The following HDAC9 variants were observed in gnomAD, a reference collection of about 807,000 sequenced individuals.
HDAC9 encodes the protein histone deacetylase 9.
Under a neutral mutation model 139.4 loss-of-function variants are expected in HDAC9, and 41 were observed. That is an observed-to-expected ratio of 0.29 (90% CI 0.23 to 0.38). HDAC9 has a LOEUF of 0.38. Among genes scored for constraint, HDAC9 ranks in the 10% least tolerant of loss-of-function variants. The probability of loss-of-function intolerance (pLI) is 1.00; values close to 1 mark genes in which losing one functional copy is unlikely to be tolerated. For missense variants in HDAC9, 1,147 were observed against 1,297.0 expected, an observed-to-expected ratio of 0.88 and a Z score of 1.78; for synonymous variants, 517 against 476.2, an observed-to-expected ratio of 1.09 and a Z score of -1.12.
At chr7:18,308,083 G>A (rs1799050039) in intron 1 of HDAC9, among the ~76,000 whole-genome samples, 1 of 152,090 alleles carries the variant, frequency 6.6e-6, no homozygotes, top group Non-Finnish European at 1.5e-5. Flanking sequence ...AAAAATACAT[G>A]TTTTCAAACT....
chr7:18,680,551 A>G (rs574798993), intron 12 of HDAC9, among the ~76,000 whole-genome samples: 1 of 152,112 alleles, frequency 6.6e-6, no homozygotes, highest in South Asian at 2.1e-4. Context: ...AACATTTGGC[A>G]TTCAAGTTCA....
intron 13 of HDAC9, among the ~76,000 whole-genome samples, chr7:18,731,434 T>A (rs1786035175): frequency 6.6e-6 from 1 of 152,098 alleles, no homozygotes; most frequent in Non-Finnish European, 1.5e-5. Flanking sequence ...TCAATGCACA[T>A]CATTTAAACC....
chr7:18,756,159 G>A (rs896784234), intron 14 of HDAC9, among the ~76,000 whole-genome samples: 1 of 152,184 alleles, frequency 6.6e-6, no homozygotes, highest in East Asian at 1.9e-4. Context: ...TGATTCCAAG[G>A]TGCAGCCAAT....
chr7:18,990,074 C>T (rs892427690), intron 25 of HDAC9, among the ~76,000 whole-genome samples: 6 of 152,188 alleles, frequency 3.9e-5, no homozygotes, highest in Non-Finnish European at 5.9e-5. Flanking sequence ...ATTCTCCGTC[C>T]AGCTTTGTTC....
chr7:18,390,522 A>G (rs116314955), intron 1 of HDAC9, among the ~76,000 whole-genome samples: 1 of 152,094 alleles, frequency 6.6e-6, no homozygotes, highest in Non-Finnish European at 1.5e-5. Context: ...TGAGTTCTGT[A>G]GTAGTTTGGT....
intron 16 of HDAC9, among the ~76,000 whole-genome samples, chr7:18,783,875 A>G (rs948617758): frequency 6.6e-6 from 1 of 152,042 alleles, no homozygotes; most frequent in Non-Finnish European, 1.5e-5. Context: ...ATTTAGGGCT[A>G]CTAATAAATA....
At chr7:18,655,717 A>G (rs1459380735) in intron 11 of HDAC9, among the ~76,000 whole-genome samples, 1 of 152,218 alleles carries the variant, frequency 6.6e-6, no homozygotes, top group Non-Finnish European at 1.5e-5. Context: ...CTTGGAGACC[A>G]AGGGAAGGGA....
At chr7:18,584,066 A>G (rs141647483) in intron 2 of HDAC9, among the ~76,000 whole-genome samples, 9 of 152,274 alleles carry the variant, frequency 5.9e-5, no homozygotes, top group African/African-American at 1.9e-4. Flanking sequence ...GACACCAACA[A>G]TAAATAAATG....
At chr7:18,136,513 T>C (rs964228711) in intron 1 of HDAC9, among the ~76,000 whole-genome samples, 5 of 152,364 alleles carry the variant, frequency 3.3e-5, no homozygotes, top group African/African-American at 4.8e-5. Flanking sequence ...GTTTCAGCTT[T>C]CTACATATGG....
chr7:18,274,332 A>G (rs1796577261), intron 2 of HDAC9, among the ~76,000 whole-genome samples: 1 of 152,164 alleles, frequency 6.6e-6, no homozygotes, highest in Non-Finnish European at 1.5e-5. Flanking sequence ...ATGGTGGAAA[A>G]TAGAAGGTAA....
chr7:18,250,222 AC>A (rs1328279059), intron 2 of HDAC9, among the ~76,000 whole-genome samples: 1 of 152,246 alleles, frequency 6.6e-6, no homozygotes, highest in Non-Finnish European at 1.5e-5. Flanking sequence ...AGAAGAGCAA[AC>A]AGCATTGGGT....
At chr7:18,875,861 CAA>C (rs1799283215) in intron 22 of HDAC9, among the ~76,000 whole-genome samples, 1 of 152,010 alleles carries the variant, frequency 6.6e-6, no homozygotes, top group Non-Finnish European at 1.5e-5. Context: ...TAAACAAAGA[CAA>C]AGAGAGTTTG....
At chr7:18,906,285 C>T (rs952039478) in intron 22 of HDAC9, among the ~76,000 whole-genome samples, 2 of 152,038 alleles carry the variant, frequency 1.3e-5, no homozygotes, top group South Asian at 4.1e-4. Context: ...GCTGGGATTA[C>T]AGGCACTTGC....
chr7:18,318,651 T>C (rs562503552), intron 1 of HDAC9, among the ~76,000 whole-genome samples: 24 of 152,372 alleles, frequency 1.6e-4, no homozygotes, highest in South Asian at 8.3e-4. Context: ...CATTAACTAC[T>C]GATGATGATC....
chr7:18,647,512 G>A (rs1420571786), intron 9 of HDAC9, among the ~76,000 whole-genome samples: 1 of 152,068 alleles, frequency 6.6e-6, no homozygotes, highest in African/African-American at 2.4e-5. Flanking sequence ...CTAAAATTGT[G>A]TATGTAGCAT....
chr7:18,785,287 C>G (rs933498762), intron 16 of HDAC9, among the ~76,000 whole-genome samples: 6 of 151,418 alleles, frequency 4.0e-5, no homozygotes, highest in African/African-American at 1.5e-4. Flanking sequence ...TGGACAAATT[C>G]AGGGAAAGGA....
intron 1 of HDAC9, among the ~76,000 whole-genome samples, chr7:18,465,204 G>A (rs1794169310): frequency 6.6e-6 from 1 of 151,888 alleles, no homozygotes; most frequent in Non-Finnish European, 1.5e-5. Context: ...TTTGCTTTAT[G>A]TTGGTTAATT....
chr7:18,182,437 G>T (rs932410594), intron 2 of HDAC9, among the ~76,000 whole-genome samples: 1 of 152,114 alleles, frequency 6.6e-6, no homozygotes, highest in Non-Finnish European at 1.5e-5. Context: ...GATGACTGAC[G>T]GGAAAACAGA....
intron 9 of HDAC9, among the ~76,000 whole-genome samples, chr7:18,647,501 C>T (rs1277638219): frequency 2.0e-5 from 3 of 152,140 alleles, no homozygotes; most frequent in African/African-American, 7.2e-5. Flanking sequence ...ATTCTTTCCA[C>T]CTAAAATTGT....
Sources: gnomAD v4.1 joint callset for allele counts (sites outside exome capture counted in the v4.1 genomes callset) on GRCh38, gnomAD v4.1.1 for gene constraint, MANE v1.5 for transcripts, NCBI Gene and HGNC (gene_info 2026-07-23, HGNC 2026-07-21) for gene names.